The following NFATC1 variants were observed in gnomAD, a reference collection of about 807,000 sequenced individuals.
The protein encoded by NFATC1 is nuclear factor of activated T-cells, cytoplasmic 1.
NFATC1 carries 22 observed loss-of-function variants against 76.0 expected under a neutral mutation model. The observed-to-expected ratio is 0.29, with a 90% CI of 0.21 to 0.41. The LOEUF is 0.41. Ranked by LOEUF, NFATC1 falls within the 10% of genes least tolerant of loss-of-function variation. NFATC1 has a pLI of 1.00. For synonymous variants in NFATC1, 704 were observed against 613.1 expected, an observed-to-expected ratio of 1.15 and a Z score of -2.19; for missense variants, 1,357 against 1,337.7, an observed-to-expected ratio of 1.01 and a Z score of -0.23.
chr18:79,471,932 T>C (rs1031183937), intron 8 of NFATC1, among the ~76,000 whole-genome samples: 2 of 152,220 alleles, frequency 1.3e-5, no homozygotes, highest in African/African-American at 4.8e-5. Context: ...CCAGCCCTTC[T>C]GCTGGCCCTG....
chr18:79,460,552 T>C (rs1426427879), intron 6 of NFATC1, among the ~76,000 whole-genome samples: 1 of 152,224 alleles, frequency 6.6e-6, no homozygotes, highest in Non-Finnish European at 1.5e-5. Flanking sequence ...TCACTACACC[T>C]CTGGGAGCCT....
At chr18:79,473,418 G>A (rs1229722478) in intron 8 of NFATC1, among the ~76,000 whole-genome samples, 6 of 152,182 alleles carry the variant, frequency 3.9e-5, no homozygotes, top group African/African-American at 1.4e-4. Context: ...CATGCTCACT[G>A]TCAACATTGT....
intron 9 of NFATC1, among the ~76,000 whole-genome samples, chr18:79,516,724 C>G (rs1051807901): frequency 6.6e-6 from 1 of 152,162 alleles, no homozygotes; most frequent in African/African-American, 2.4e-5. Flanking sequence ...ACATGAGAGG[C>G]GGCCTCTTCA....
intron 9 of NFATC1, among the ~76,000 whole-genome samples, chr18:79,500,282 C>A (rs971379896): frequency 6.6e-6 from 1 of 152,078 alleles, no homozygotes; most frequent in African/African-American, 2.4e-5. Context: ...CAACACATTT[C>A]TAAATAATTA....
chr18:79,404,786 A>AGT (rs1350565249), intron 1 of NFATC1, among the ~76,000 whole-genome samples: 1 of 152,030 alleles, frequency 6.6e-6, no homozygotes, highest in African/African-American at 2.4e-5. Context: ...CGAGTGAGGG[A>AGT]GTGGCTGTCT....
At chr18:79,403,525 G>C (rs536371346) in intron 1 of NFATC1, among the ~76,000 whole-genome samples, 1 of 152,208 alleles carries the variant, frequency 6.6e-6, no homozygotes, top group Non-Finnish European at 1.5e-5. Flanking sequence ...CCTGCTTCCC[G>C]CCCCAGGGCT....
At position 79,524,302 on chromosome 18, in the gene NFATC1, C is replaced by T. The variant is rs1160560357; in HGVS notation, c.2783-3226C>T. 2.6e-5 allele frequency among the ~76,000 whole-genome samples: 4 copies of T among 152,234 alleles called. No homozygotes were observed. The highest frequency in any genetic ancestry group is 7.2e-5 in the African/African-American group (3 of 41,454). The stretch of plus-strand genomic sequence containing the variant: ...TTCCTCTCAGGGCTACGGCACAGGC[C>T]GTGTCTGCGGGGCGAGCACGGCTCC... On this transcript the variant is annotated intron_variant, in intron 9 of 9. Transcript: ENST00000427363. This position sits in a 1 kb window ranked among gnomAD's most constrained non-coding sequence, Gnocchi z 7.2.
intron 2 of NFATC1, among the ~76,000 whole-genome samples, chr18:79,424,028 C>T (rs760075490): frequency 2.0e-5 from 3 of 152,226 alleles, no homozygotes; most frequent in Non-Finnish European, 2.9e-5. Flanking sequence ...GCCCTCCCTC[C>T]ACTCCCCGGC....
intron 9 of NFATC1, among the ~76,000 whole-genome samples, chr18:79,488,617 C>T (rs2145075488): frequency 6.6e-6 from 1 of 152,330 alleles, no homozygotes; most frequent in East Asian, 1.9e-4. Flanking sequence ...AGCCGGAGCT[C>T]CGCATGGGGC....
In NFATC1 at chr18:79,443,129, T is replaced by G. The variant is rs1032208982; in HGVS notation, c.1387-5653T>G. ...GGGCGGCGAGTCCCTCTAGATTTGC[T>G]TTACAGCCACAAATTCAGTTTTATC... On this transcript the variant is annotated intron_variant, in intron 3 of 9. Transcript: ENST00000427363. Among the ~76,000 whole-genome samples, 3 of 152,244 alleles carry G rather than the reference T, an allele frequency of 2.0e-5. No individual in the cohort carries two copies. In the East Asian group the frequency reaches 5.8e-4, roughly 29 times the overall value.
chr18:79,425,296 A>G (rs1011247264), intron 2 of NFATC1, among the ~76,000 whole-genome samples: 4 of 78,522 alleles, frequency 5.1e-5, no homozygotes, highest in African/African-American at 2.1e-4. Flanking sequence ...TTTCTTTCTT[A>G]CTCTCTTTCT....
chr18:79,410,415 A>T lies in NFATC1; in HGVS notation c.140A>T (p.Tyr47Phe), dbSNP rs764867211. The T allele has an allele frequency of 6.2e-7, 1 of 1,609,736 alleles. No homozygotes were observed. The highest frequency in any genetic ancestry group is 1.1e-5 in the South Asian group (1 of 90,640). ...TTTTTCTCTCTAGAACACTATGGCT[A>T]TGCATCCTCCAACGTCAGCCCCGCC... ...MKSAEEEHYG[Y>F]ASSNVSPALP... The change falls in exon 2 of 10, where the codon TAT becomes TTT. Residue 47 changes from tyrosine to phenylalanine, a missense_variant. Physicochemically the swap from Tyr to Phe is conservative, Grantham distance 22. Coordinates refer to ENST00000427363, the MANE Select transcript of NFATC1 (RefSeq NM_001278669.2). The surrounding 1 kb of genome is among the most constrained non-coding windows in gnomAD (Gnocchi z 6.7).
chr18:79,398,491 C>T (rs1290743597), intron 1 of NFATC1, among the ~76,000 whole-genome samples: 1 of 152,232 alleles, frequency 6.6e-6, no homozygotes, highest in Non-Finnish European at 1.5e-5. Flanking sequence ...TGAATCTGGA[C>T]CAATAGCTCT....
chr18:79,498,714 A>G (rs545441651), intron 9 of NFATC1, among the ~76,000 whole-genome samples: 2 of 152,252 alleles, frequency 1.3e-5, no homozygotes, highest in Non-Finnish European at 2.9e-5. Flanking sequence ...CAGCTCACAC[A>G]CAGACATAAA....
At chr18:79,436,872 G>T (rs547072146) in intron 3 of NFATC1, among the ~76,000 whole-genome samples, 6 of 152,244 alleles carry the variant, frequency 3.9e-5, no homozygotes, top group East Asian at 1.9e-4. Flanking sequence ...GCCCCCTGCC[G>T]TCTCTGTGGG....
At chr18:79,494,282 C>T (rs758250990) in intron 9 of NFATC1, among the ~76,000 whole-genome samples, 102 of 97,436 alleles carry the variant, frequency 1.0e-3, no homozygotes, top group Middle Eastern at 6.9e-3. Context: ...CTGGTACCGC[C>T]GGGGGAAGGC....
At chr18:79,467,232 C>T (rs1325623137) in intron 7 of NFATC1, among the ~76,000 whole-genome samples, 2 of 152,138 alleles carry the variant, frequency 1.3e-5, no homozygotes, top group Admixed American at 1.3e-4. Context: ...GGGCTGTCAT[C>T]AGCTGCTTCT....
chr18:79,411,571 G>C, intron 2 of NFATC1, 70 bp downstream of exon 2: 1 of 1,166,574 alleles, frequency 8.6e-7, no homozygotes, highest in Non-Finnish European at 1.1e-6. Flanking sequence ...CGCGGGGAGC[G>C]GGACGGGGGG....
chr18:79,418,549 G>T (rs1414570128), intron 2 of NFATC1, among the ~76,000 whole-genome samples: 4 of 152,222 alleles, frequency 2.6e-5, no homozygotes, highest in Non-Finnish European at 5.9e-5. Context: ...TGGGGTCAGA[G>T]CCCAGTCGAG....
Sources: gnomAD v4.1 joint callset for allele counts (sites outside exome capture counted in the v4.1 genomes callset) on GRCh38, gnomAD v4.1.1 for gene constraint, Gnocchi (gnomAD v3.1) non-coding constraint, MANE v1.5 for transcripts, NCBI Gene and HGNC (gene_info 2026-07-23, HGNC 2026-07-21) for gene names.